Variants in MBD5 observed in about 807,000 individuals in gnomAD.
The protein encoded by MBD5 is methyl-CpG binding domain protein 5.
In MBD5, 13 loss-of-function variants were observed where a neutral mutation model predicts 117.3. That is an observed-to-expected ratio of 0.11 (90% CI 0.07 to 0.18). MBD5 has a LOEUF of 0.18. Ranked by LOEUF, MBD5 falls within the 10% of genes least tolerant of loss-of-function variation. The pLI is 1.00. For synonymous variants in MBD5, 727 were observed against 766.4 expected (o/e 0.95, Z 0.85); for missense variants, 1,879 against 2,093.8 (o/e 0.90, Z 2.00).
At chr2:148,466,649 T>C (rs532110366) in intron 7 of MBD5, among the ~76,000 whole-genome samples, 74 of 152,298 alleles carry the variant, frequency 4.9e-4, no homozygotes, top group Non-Finnish European at 9.6e-4. Context: ...AATTACAAAC[T>C]TTAAAAATCT....
At chr2:148,246,765 A>AAAT (rs1700346597) in intron 3 of MBD5, among the ~76,000 whole-genome samples, 2 of 148,810 alleles carry the variant, frequency 1.3e-5, no homozygotes, top group African/African-American at 2.5e-5. Context: ...CTCCATCTCA[A>AAAT]AAAAAAAAAA....
At position 148,516,739 on chromosome 2, in the gene MBD5, G is replaced by T. The variant is rs1444695679; in HGVS notation, c.*3798G>T. 6.6e-6 allele frequency: 1 copy of T among 152,142 alleles called. No homozygotes were observed. Among genetic ancestry groups the T allele is most frequent in the Non-Finnish European group, 1.5e-5 (1 of 68,018 alleles). The allele number at this position is 152,142 out of a possible 1,614,324, so 9.4% of individuals were successfully genotyped here. ...ATCTTCAAATATGAAAGATTAATTT[G>T]TATCTACTGTAAATATGTATTACCA... On this transcript the variant is annotated 3_prime_UTR_variant, in exon 14 of 14. Transcript: ENST00000642680.
chr2:148,089,607 T>A (rs1244666355), intron 1 of MBD5, among the ~76,000 whole-genome samples: 1 of 151,946 alleles, frequency 6.6e-6, no homozygotes, highest in Non-Finnish European at 1.5e-5. Context: ...GGGTCAACAA[T>A]GAAAACAAGA....
intron 11 of MBD5, among the ~76,000 whole-genome samples, chr2:148,501,771 A>AC (rs1428088331): frequency 6.6e-6 from 1 of 152,154 alleles, no homozygotes; most frequent in South Asian, 2.1e-4. Flanking sequence ...CAAAGGACAC[A>AC]CCCACAAGGC....
intron 1 of MBD5, among the ~76,000 whole-genome samples, chr2:148,111,568 T>A (rs1696503870): frequency 6.6e-6 from 1 of 152,180 alleles, no homozygotes; most frequent in African/African-American, 2.4e-5. Flanking sequence ...AAATATAGAT[T>A]ATAGATTATA....
At chr2:148,140,556 C>G (rs1355053950) in intron 1 of MBD5, among the ~76,000 whole-genome samples, 1 of 152,110 alleles carries the variant, frequency 6.6e-6, no homozygotes, top group African/African-American at 2.4e-5. Flanking sequence ...AATAGGTGAT[C>G]TGGAATGATA....
chr2:148,332,575 A>C (rs1203885962), intron 3 of MBD5, among the ~76,000 whole-genome samples: 1 of 152,074 alleles, frequency 6.6e-6, no homozygotes, highest in Non-Finnish European at 1.5e-5. Context: ...TGAGTATAGG[A>C]TTCTGGTTTG....
intron 1 of MBD5, among the ~76,000 whole-genome samples, chr2:148,143,185 G>A (rs762996501): frequency 5.9e-5 from 9 of 152,200 alleles, no homozygotes; most frequent in Admixed American, 3.9e-4. Context: ...TTTAAACAAC[G>A]TACAGCAGGT....
intron 1 of MBD5, among the ~76,000 whole-genome samples, chr2:148,064,282 AT>A (rs1279237946): frequency 6.6e-6 from 1 of 150,568 alleles, no homozygotes; most frequent in Non-Finnish European, 1.5e-5. Context: ...CGCCCGGCTA[AT>A]TTTTTGTATT....
intron 2 of MBD5, among the ~76,000 whole-genome samples, chr2:148,182,046 T>C (rs1698544875): frequency 6.6e-6 from 1 of 152,100 alleles, no homozygotes; most frequent in African/African-American, 2.4e-5. Context: ...TCTTCTTTCC[T>C]ATATCTTTTT....
intron 4 of MBD5, among the ~76,000 whole-genome samples, chr2:148,433,005 AT>A (rs2105348497): frequency 6.6e-6 from 1 of 152,178 alleles, no homozygotes; most frequent in African/African-American, 2.4e-5. Context: ...TGAATATGGA[AT>A]TTTTTAAATT....
intron 2 of MBD5, among the ~76,000 whole-genome samples, chr2:148,182,847 G>A (rs1011167847): frequency 1.3e-5 from 2 of 152,052 alleles, no homozygotes; most frequent in Non-Finnish European, 2.9e-5. Flanking sequence ...ACATTCACAG[G>A]AAATCTCAGT....
At chr2:148,230,036 T>C (rs1382943029) in intron 2 of MBD5, among the ~76,000 whole-genome samples, 4 of 152,150 alleles carry the variant, frequency 2.6e-5, no homozygotes, top group Non-Finnish European at 5.9e-5. Flanking sequence ...TGAGGCTTGC[T>C]GTAACCACTC....
intron 11 of MBD5, among the ~76,000 whole-genome samples, chr2:148,497,633 G>A (rs1166089971): frequency 2.0e-5 from 3 of 151,964 alleles, no homozygotes; most frequent in Non-Finnish European, 2.9e-5. Flanking sequence ...AGGCTGCAGT[G>A]AGCATGCCAG....
At chr2:148,380,085 C>T (rs1245418348) in intron 4 of MBD5, among the ~76,000 whole-genome samples, 1 of 151,968 alleles carries the variant, frequency 6.6e-6, no homozygotes, top group East Asian at 1.9e-4. Flanking sequence ...CCAACCAAAA[C>T]AAAACTGGGC....
intron 2 of MBD5, among the ~76,000 whole-genome samples, chr2:148,226,983 G>C (rs1482079519): frequency 6.6e-6 from 1 of 152,080 alleles, no homozygotes; most frequent in Non-Finnish European, 1.5e-5. Flanking sequence ...TTGTAAATTT[G>C]TTTGAGTTAA....
chr2:148,074,966 C>A (rs1468518976), intron 1 of MBD5, among the ~76,000 whole-genome samples: 1 of 152,046 alleles, frequency 6.6e-6, no homozygotes, highest in African/African-American at 2.4e-5. Flanking sequence ...AGAAAAGCAT[C>A]CTCTGGGTTT....
chr2:148,102,743 G>C (rs879793744), intron 1 of MBD5, among the ~76,000 whole-genome samples: 209 of 119,802 alleles, frequency 1.7e-3, no homozygotes, highest in Admixed American at 2.5e-3. Flanking sequence ...GAGAGAGAGA[G>C]AGAGAGAGAG....
At chr2:148,162,913 A>G (rs1574083735) in intron 1 of MBD5, among the ~76,000 whole-genome samples, 1 of 152,318 alleles carries the variant, frequency 6.6e-6, no homozygotes, top group East Asian at 1.9e-4. Context: ...ACTAATATTC[A>G]GAGAACTTAA....
Sources: allele counts gnomAD v4.1 joint callset (sites outside exome capture counted in the v4.1 genomes callset), GRCh38; gene constraint gnomAD v4.1.1; transcripts MANE v1.5; gene names NCBI Gene and HGNC (gene_info 2026-07-23, HGNC 2026-07-21).